Variants in UNC5C observed in about 807,000 individuals in gnomAD.
UNC5C encodes the protein netrin receptor UNC5C.
A neutral mutation model predicts 99.8 loss-of-function variants in UNC5C; 47 were observed. The ratio of observed to expected loss-of-function variants is 0.47; its 90% CI spans 0.37 to 0.60. The LOEUF (loss-of-function observed/expected upper bound fraction) is 0.60, where lower values mean the gene tolerates loss of function less well. UNC5C is among the 20% of genes least tolerant of loss of function. UNC5C has a pLI of 0.00. For synonymous variants in UNC5C, 487 were observed against 452.2 expected (o/e 1.08, Z -0.98); for missense variants, 1,062 against 1,165.9 (o/e 0.91, Z 1.30).
intron 1 of UNC5C, among the ~76,000 whole-genome samples, chr4:95,459,323 C>A (rs1747531965): frequency 1.3e-5 from 2 of 152,086 alleles, no homozygotes; most frequent in African/African-American, 2.4e-5. Context: ...TAAGAACTTT[C>A]TTTTGTACCT....
At chr4:95,169,544 A>G in intron 15 of UNC5C, 145 bp from the exon 16 acceptor site, 1 of 847,882 alleles carries the variant, frequency 1.2e-6, no homozygotes, top group Admixed American at 2.8e-5. Context: ...TAACTAGCCC[A>G]TGCTTAATTA....
chr4:95,495,922 GAGAAAT>G (rs1721618230), intron 1 of UNC5C, among the ~76,000 whole-genome samples: 1 of 151,748 alleles, frequency 6.6e-6, no homozygotes, highest in Non-Finnish European at 1.5e-5. Flanking sequence ...AATTCATATG[GAGAAAT>G]AGAAATTATT....
At chr4:95,352,256 C>T (rs1744018220) in intron 1 of UNC5C, among the ~76,000 whole-genome samples, 1 of 152,154 alleles carries the variant, frequency 6.6e-6, no homozygotes, top group Admixed American at 6.6e-5. Context: ...ATGCTCCAGA[C>T]AGACAGACTG....
chr4:95,500,850 T>C (rs979271524), intron 1 of UNC5C, among the ~76,000 whole-genome samples: 5 of 152,264 alleles, frequency 3.3e-5, no homozygotes, highest in African/African-American at 1.2e-4. Flanking sequence ...CCCACTGATA[T>C]CACCTTGATT....
intron 7 of UNC5C, chr4:95,222,410 AT>A (rs1310569861): frequency 3.8e-6 from 2 of 529,424 alleles, no homozygotes; most frequent in Non-Finnish European, 3.2e-6. Flanking sequence ...TAAAATTATG[AT>A]TTTGCATCTC....
At chr4:95,485,059 T>G (rs17024040) in intron 1 of UNC5C, among the ~76,000 whole-genome samples, 13,338 of 151,886 alleles carry the variant, frequency 0.088, 1,489 homozygotes, top group African/African-American at 0.26. Context: ...AAAAACAAAT[T>G]CAGTGATGAA....
chr4:95,465,250 C>T (rs770355500), intron 1 of UNC5C, among the ~76,000 whole-genome samples: 2 of 152,204 alleles, frequency 1.3e-5, no homozygotes, highest in Admixed American at 1.3e-4. Flanking sequence ...CCTAACATGA[C>T]TAATCCCTGC....
At chr4:95,545,752 TCACA>T (rs760524760) in intron 1 of UNC5C, among the ~76,000 whole-genome samples, 1 of 142,540 alleles carries the variant, frequency 7.0e-6, no homozygotes, top group South Asian at 2.2e-4. Context: ...CACACTGATC[TCACA>T]CACACGCGCG....
At chr4:95,244,527 T>C (rs537146727) in intron 6 of UNC5C, among the ~76,000 whole-genome samples, 3 of 152,346 alleles carry the variant, frequency 2.0e-5, no homozygotes, top group African/African-American at 7.2e-5. Flanking sequence ...TTTCAAATGT[T>C]GTATTTGCCC....
chr4:95,189,938 C>T (rs1331353264), intron 12 of UNC5C, among the ~76,000 whole-genome samples: 1 of 152,140 alleles, frequency 6.6e-6, no homozygotes, highest in Non-Finnish European at 1.5e-5. Flanking sequence ...TGTGGCGATT[C>T]CTCAGGGATC....
chr4:95,190,187 G>A (rs1723365850), intron 12 of UNC5C, among the ~76,000 whole-genome samples: 1 of 152,172 alleles, frequency 6.6e-6, no homozygotes, highest in Admixed American at 6.5e-5. Context: ...CATGTCCTTT[G>A]TAGGGACATG....
At chr4:95,345,594 C>A (rs981657592) in intron 1 of UNC5C, among the ~76,000 whole-genome samples, 1 of 151,878 alleles carries the variant, frequency 6.6e-6, no homozygotes, top group Non-Finnish European at 1.5e-5. Flanking sequence ...CAAGGATAGA[C>A]CATGTGTTAT....
chr4:95,437,816 G>C (rs1746836512), intron 1 of UNC5C, among the ~76,000 whole-genome samples: 2 of 152,164 alleles, frequency 1.3e-5, no homozygotes, highest in South Asian at 4.1e-4. Flanking sequence ...GCCCTACTAA[G>C]AAAACTTTGC....
At chr4:95,375,076 T>C (rs1324140973) in intron 1 of UNC5C, among the ~76,000 whole-genome samples, 1 of 152,182 alleles carries the variant, frequency 6.6e-6, no homozygotes, top group East Asian at 1.9e-4. Context: ...ATTGTATTTA[T>C]CTTTCCTTCA....
intron 14 of UNC5C, among the ~76,000 whole-genome samples, chr4:95,176,770 C>T (rs1288349225): frequency 6.6e-6 from 1 of 152,220 alleles, no homozygotes; most frequent in Admixed American, 6.5e-5. Flanking sequence ...TGGGCTCCAC[C>T]CAGTTCGAGC....
intron 1 of UNC5C, among the ~76,000 whole-genome samples, chr4:95,373,383 A>C (rs770692386): frequency 6.6e-6 from 1 of 152,066 alleles, no homozygotes; most frequent in Non-Finnish European, 1.5e-5. Flanking sequence ...TCTAATACTT[A>C]CTAAATAATA....
rs1485496701 is a variant in UNC5C at position 95,456,902 on chromosome 4, C to G, written c.124+91832G>C. Among the ~76,000 whole-genome samples the G allele has an allele frequency of 4.6e-5, 7 of 152,150 alleles. 1 individual carries two copies. In the South Asian group the frequency reaches 1.5e-3, roughly 32 times the overall value. ...CATTTTCTATGACTATAATTATTTTCACTGAAGAAATGACTGACTTTTAAT... is the reference window on the plus strand; with the variant it reads ...CATTTTCTATGACTATAATTATTTTGACTGAAGAAATGACTGACTTTTAAT... On this transcript the variant is annotated intron_variant, in intron 1 of 15. Coordinates refer to ENST00000453304, the MANE Select transcript of UNC5C (RefSeq NM_003728.4).
chr4:95,323,179 A>G (rs1161406520), intron 2 of UNC5C, among the ~76,000 whole-genome samples: 1 of 152,128 alleles, frequency 6.6e-6, no homozygotes, highest in Non-Finnish European at 1.5e-5. Context: ...GAAGAAAACT[A>G]TGGTATAAGG....
intron 1 of UNC5C, among the ~76,000 whole-genome samples, chr4:95,354,479 A>ATATATATATTTTTTTTTT: frequency 9.1e-5 from 10 of 110,348 alleles, no homozygotes; most frequent in African/African-American, 1.2e-4. Flanking sequence ...ATATATATAT[A>ATATATATATTTTTTTTTT]TTTTTTTTTT....
Sources: gnomAD v4.1 joint callset for allele counts (sites outside exome capture counted in the v4.1 genomes callset) on GRCh38, gnomAD v4.1.1 for gene constraint, MANE v1.5 for transcripts, NCBI Gene and HGNC (gene_info 2026-07-23, HGNC 2026-07-21) for gene names.